LENEP: variants seen among roughly 807,000 people sequenced by gnomAD.
LENEP encodes lens epithelial protein, also known as lens epithelial cell protein LEP503.
Under a neutral mutation model 4.1 loss-of-function variants are expected in LENEP, and 2 were observed. The ratio of observed to expected loss-of-function variants is 0.49; its 90% CI spans 0.20 to 1.53. The LOEUF (loss-of-function observed/expected upper bound fraction) is 1.53. Among genes scored for constraint, LENEP ranks in the 40% most tolerant of loss-of-function variants. LENEP has a pLI of 0.23. For missense variants in LENEP, 63 were observed against 77.0 expected (o/e 0.82, Z 0.68); for synonymous variants, 30 against 33.3 (o/e 0.90, Z 0.34).
At position 154,994,134 on chromosome 1, in the gene LENEP, G is replaced by C. The variant is rs755259990; in HGVS notation, c.*341G>C. 380 of 298,612 alleles carry C rather than the reference G, an allele frequency of 1.3e-3. 10 individuals are homozygous for C. Among genetic ancestry groups the C allele is most frequent in the Non-Finnish European group, 2.1e-4 (34 of 159,804 alleles). The allele number at this position is 298,612 out of a possible 1,614,324, so 18.5% of individuals were successfully genotyped here. ...GCAGGAGCTTGGACTGCTCTGGCTA[G>C]GACCCCAGTAAGATTGTGGCAAGAC... On this transcript the variant is annotated 3_prime_UTR_variant, in exon 1 of 1. Transcript: ENST00000392487.
chr1:154,994,005 A>G lies in LENEP; in HGVS notation c.*212A>G. ...AGGATGGGCCATAAACAATGAGTAA[A>G]CAGTAAAGTGTGGATCCTGCTTTGA... On this transcript the variant is annotated 3_prime_UTR_variant, in exon 1 of 1. Coordinates refer to ENST00000392487, the MANE Select transcript of LENEP (RefSeq NM_001394530.1). 2 of 556,594 alleles carry G rather than the reference A, an allele frequency of 3.6e-6. No individual in the cohort carries two copies. Among genetic ancestry groups the G allele is most frequent in the Non-Finnish European group, 6.3e-6 (2 of 318,084 alleles). The allele number at this position is 556,594 out of a possible 1,614,324, so 34.5% of individuals were successfully genotyped here.
At position 154,993,618 on chromosome 1, in the gene LENEP, G is replaced by A. The variant is rs199697277; in HGVS notation, c.11G>A (p.Arg4Gln). The A allele has an allele frequency of 3.2e-5, 51 of 1,611,030 alleles. No individual in the cohort carries two copies. Among genetic ancestry groups the A allele is most frequent in the African/African-American group, 1.1e-4 (8 of 74,722 alleles). The change falls in exon 1 of 1, where the codon CGG (arginine) becomes CAG (glutamine). Residue 4 changes from arginine to glutamine, a missense_variant. Transcript: ENST00000392487. MQP[R>Q]TQPLAQTLPF... ...GGAACTGTTGCCCACATGCAGCCCC[G>A]GACACAGCCCCTAGCCCAAACCCTA...
rs747260843 is a variant in LENEP, at chr1:154,993,771, G to A, written c.164G>A (p.Cys55Tyr). Residue 55 changes from cysteine to tyrosine, a missense_variant, in exon 1 of 1, where the codon TGT becomes TAT. Transcript: ENST00000392487. Reference sequence around the variant, plus strand: ...GCCTACATCCTCCTCTGCTGCTGGTGTATCAAGGAACTGCTGGATTAATGG... The same window carrying A: ...GCCTACATCCTCCTCTGCTGCTGGTATATCAAGGAACTGCTGGATTAATGG... The part of the protein sequence containing the change: ...EVAYILLCCW[C>Y]IKELLD 3 of 1,613,268 alleles carry A rather than the reference G, an allele frequency of 1.9e-6. No homozygotes were observed. The highest frequency in any genetic ancestry group is 2.2e-5 in the East Asian group (1 of 44,804).
chr1:154,993,678 G>A lies in LENEP; in HGVS notation c.71G>A (p.Gly24Glu). 3.1e-6 allele frequency: 5 copies of A among 1,613,414 alleles called. No homozygotes were observed. The highest frequency in any genetic ancestry group is 4.2e-6 in the Non-Finnish European group (5 of 1,179,702). Reference protein sequence around the residue: ...FFLGGAPRDTGLRVPVIKMGT... With the variant: ...FFLGGAPRDTELRVPVIKMGT... ...CTCGGAGGGGCCCCTCGAGACACTG[G>A]GCTGCGGGTGCCTGTCATTAAGATG... The change falls in exon 1 of 1, where the codon GGG becomes GAG. Residue 24 changes from glycine to glutamate, a missense_variant. Physicochemically the swap from Gly to Glu is moderately conservative, Grantham distance 98 (BLOSUM62 -2). Transcript: ENST00000392487.
rs1239755945 is a variant in LENEP at position 154,993,933 on chromosome 1, C to T, written c.*140C>T. Reference sequence around the variant, plus strand: ...AGCTTCTCATTCTCTTCTTTAGCCCCCAGCCCAATTGCCATCAAGACTCCT... The same window carrying T: ...AGCTTCTCATTCTCTTCTTTAGCCCTCAGCCCAATTGCCATCAAGACTCCT... On this transcript the variant is annotated 3_prime_UTR_variant, in exon 1 of 1. Coordinates refer to ENST00000392487, the MANE Select transcript of LENEP (RefSeq NM_001394530.1). 2 of 816,156 alleles carry T rather than the reference C, an allele frequency of 2.5e-6. No individual in the cohort carries two copies. The highest frequency in any genetic ancestry group is 3.5e-5 in the African/African-American group (2 of 56,372). The allele number at this position is 816,156 out of a possible 1,614,324, so 50.6% of individuals were successfully genotyped here. A position where few individuals can be genotyped will look rare whatever the true frequency, so the allele number is the denominator to read the frequency against.
Position 154,994,018 on chromosome 1 carries a change from G to A in LENEP, c.*225G>A, listed in dbSNP as rs1398901444. 1.5e-5 allele frequency: 8 copies of A among 532,430 alleles called. No individual in the cohort carries two copies. The South Asian group carries it at 1.6e-4, about 11-fold the overall frequency. 33.0% of individuals were successfully genotyped at this position (532,430 alleles called of 1,614,324 possible). ...AACAATGAGTAAACAGTAAAGTGTGGATCCTGCTTTGAGCTGTGTCATCTA... is the reference window on the plus strand; with the variant it reads ...AACAATGAGTAAACAGTAAAGTGTGAATCCTGCTTTGAGCTGTGTCATCTA... On this transcript the variant is annotated 3_prime_UTR_variant, in exon 1 of 1. Coordinates refer to ENST00000392487, the MANE Select transcript of LENEP (RefSeq NM_001394530.1).
Position 154,994,246 on chromosome 1 carries a change from C to A in LENEP, c.*453C>A. ...CCCTCATAGTACCAAGAATGGACTG[C>A]CCCCTAAGAAACCTGTTTGAGAATC... On this transcript the variant is annotated 3_prime_UTR_variant, in exon 1 of 1. Transcript: ENST00000392487. The A allele has an allele frequency of 5.7e-6, 1 of 175,178 alleles. No homozygotes were observed. The highest frequency in any genetic ancestry group is 1.2e-5 in the Non-Finnish European group (1 of 83,718). 10.9% of individuals were successfully genotyped at this position (175,178 alleles called of 1,614,324 possible).
In LENEP at chr1:154,993,642, TACCCTTCTTCCTCGGAG is replaced by T; in HGVS notation, c.36_52del (p.Pro13GlyfsTer13). On this transcript the variant is annotated frameshift_variant, in exon 1 of 1. Transcript: ENST00000392487. LOFTEE classifies it high-confidence loss of function. Reference sequence around the variant, plus strand: ...CGGACACAGCCCCTAGCCCAAACCCTACCCTTCTTCCTCGGAGGGGCCCCTCGAGACACTGGGCTGCG... The same window carrying T: ...CGGACACAGCCCCTAGCCCAAACCCTGGGCCCCTCGAGACACTGGGCTGCG... 2 of 1,613,362 alleles carry T rather than the reference TACCCTTCTTCCTCGGAG, an allele frequency of 1.2e-6. No individual in the cohort carries two copies. Among genetic ancestry groups the T allele is most frequent in the Admixed American group, 3.3e-5 (2 of 59,918 alleles).
At position 154,993,697 on chromosome 1, in the gene LENEP, T is replaced by G. The variant is rs2102255093; in HGVS notation, c.90T>G (p.Ile30Met). 2 of 1,612,886 alleles carry G rather than the reference T, an allele frequency of 1.2e-6. No individual in the cohort carries two copies. The highest frequency in any genetic ancestry group is 4.5e-5 in the East Asian group (2 of 44,804). The change falls in exon 1 of 1, where the codon ATT (isoleucine) becomes ATG (methionine). Residue 30 changes from isoleucine to methionine, a missense_variant. By Grantham distance (10) the Ile-to-Met change is conservative. Transcript: ENST00000392487. Reference sequence around the variant, plus strand: ...ACACTGGGCTGCGGGTGCCTGTCATTAAGATGGGCACAGGGTGGGAGGGCT... The same window carrying G: ...ACACTGGGCTGCGGGTGCCTGTCATGAAGATGGGCACAGGGTGGGAGGGCT... The part of the protein sequence containing the change: ...PRDTGLRVPV[I>M]KMGTGWEGFQ...
Position 154,994,160 on chromosome 1 carries a change from C to T in LENEP, c.*367C>T. 7.6e-6 allele frequency: 2 copies of T among 263,838 alleles called. No individual in the cohort carries two copies. The highest frequency in any genetic ancestry group is 4.0e-5 in the South Asian group (1 of 24,858). The allele number at this position is 263,838 out of a possible 1,614,324, so 16.3% of individuals were successfully genotyped here. On this transcript the variant is annotated 3_prime_UTR_variant, in exon 1 of 1. Transcript: ENST00000392487. ...GACCCCAGTAAGATTGTGGCAAGAC[C>T]TGGCACTCCTCCAAGCTTGGCACAG...
rs754698615 is a variant in LENEP, at chr1:154,993,626, C to A, written c.19C>A (p.Pro7Thr). Residue 7 changes from proline (P) to threonine (T), a missense_variant, in exon 1 of 1, where the codon CCC (proline) becomes ACC (threonine). Transcript: ENST00000392487. MQPRTQ[P>T]LAQTLPFFLG... ...TGCCCACATGCAGCCCCGGACACAG[C>A]CCCTAGCCCAAACCCTACCCTTCTT... is the stretch of plus-strand genomic sequence containing the variant. 6.2e-7 allele frequency: 1 copy of A among 1,612,186 alleles called. No individual in the cohort carries two copies. Among genetic ancestry groups the A allele is most frequent in the Admixed American group, 1.7e-5 (1 of 59,582 alleles).
At position 154,994,059 on chromosome 1, in the gene LENEP, C is replaced by A. The variant is rs981387700; in HGVS notation, c.*266C>A. On this transcript the variant is annotated 3_prime_UTR_variant, in exon 1 of 1. Coordinates refer to ENST00000392487, the MANE Select transcript of LENEP (RefSeq NM_001394530.1). ...GTGTCATCTAGCAGACCTGCCTCATCTCTGAGCCTCCTTCATTCCCAACCC... is the reference window on the plus strand; with the variant it reads ...GTGTCATCTAGCAGACCTGCCTCATATCTGAGCCTCCTTCATTCCCAACCC... 1.3e-4 allele frequency: 54 copies of A among 427,070 alleles called. 1 individual carries two copies. Among genetic ancestry groups the A allele is most frequent in the Admixed American group, 2.8e-4 (6 of 21,676 alleles). 26.5% of individuals were successfully genotyped at this position (427,070 alleles called of 1,614,324 possible).
Position 154,993,664 on chromosome 1 carries a change from C to G in LENEP, c.57C>G (p.Ala19=), listed in dbSNP as rs772226234. 1 of 1,613,396 alleles carries G rather than the reference C, an allele frequency of 6.2e-7. No individual in the cohort carries two copies. The highest frequency in any genetic ancestry group is 1.3e-5 in the African/African-American group (1 of 74,858). The change falls in exon 1 of 1, where the codon GCC becomes GCG. Residue 19 remains alanine (A), a synonymous_variant. Coordinates refer to ENST00000392487, the MANE Select transcript of LENEP (RefSeq NM_001394530.1). The part of the protein sequence containing the change: ...AQTLPFFLGG[A]PRDTGLRVPV... ...CCCTACCCTTCTTCCTCGGAGGGGCCCCTCGAGACACTGGGCTGCGGGTGC... is the reference window on the plus strand; with the variant it reads ...CCCTACCCTTCTTCCTCGGAGGGGCGCCTCGAGACACTGGGCTGCGGGTGC...
chr1:154,994,113 G>A lies in LENEP; in HGVS notation c.*320G>A, dbSNP rs780633199. ...CCTCTGGTGGACCTCTGGTGGGCAG[G>A]AGCTTGGACTGCTCTGGCTAGGACC... On this transcript the variant is annotated 3_prime_UTR_variant, in exon 1 of 1. Transcript: ENST00000392487. The A allele has an allele frequency of 2.2e-4, 77 of 343,784 alleles. No individual in the cohort carries two copies. The highest frequency in any genetic ancestry group is 3.6e-4 in the Non-Finnish European group (68 of 187,218). The allele number at this position is 343,784 out of a possible 1,614,324, so 21.3% of individuals were successfully genotyped here.
rs770235226 is a variant in LENEP, at chr1:154,993,593, G to A, written c.-15G>A. The A allele has an allele frequency of 2.2e-5, 35 of 1,599,262 alleles. No homozygotes were observed. Among genetic ancestry groups the A allele is most frequent in the Middle Eastern group, 1.7e-4 (1 of 5,716 alleles). On this transcript the variant is annotated 5_prime_UTR_variant, in exon 1 of 1. Coordinates refer to ENST00000392487, the MANE Select transcript of LENEP (RefSeq NM_001394530.1). The stretch of plus-strand genomic sequence containing the variant: ...AGAGGCAGCTCCCACACCCTTCCTC[G>A]GAACTGTTGCCCACATGCAGCCCCG...
chr1:154,994,205 G>A lies in LENEP; in HGVS notation c.*412G>A. On this transcript the variant is annotated 3_prime_UTR_variant, in exon 1 of 1. Coordinates refer to ENST00000392487, the MANE Select transcript of LENEP (RefSeq NM_001394530.1). The stretch of plus-strand genomic sequence containing the variant: ...GCACAGTGAGCCCACCAGCTCAGAT[G>A]GTTGATCTTACCATACCCTCATAGT... 1 of 223,834 alleles carries A rather than the reference G, an allele frequency of 4.5e-6. No individual in the cohort carries two copies. The highest frequency in any genetic ancestry group is 5.7e-5 in the South Asian group (1 of 17,582). The allele number at this position is 223,834 out of a possible 1,614,324, so 13.9% of individuals were successfully genotyped here.
rs573141037 is a variant in LENEP, at chr1:154,994,223, C to T, written c.*430C>T. 5.0e-6 allele frequency: 1 copy of T among 198,212 alleles called. No homozygotes were observed. Among genetic ancestry groups the T allele is most frequent in the Non-Finnish European group, 1.0e-5 (1 of 98,142 alleles). The allele number at this position is 198,212 out of a possible 1,614,324, so 12.3% of individuals were successfully genotyped here. On this transcript the variant is annotated 3_prime_UTR_variant, in exon 1 of 1. Coordinates refer to ENST00000392487, the MANE Select transcript of LENEP (RefSeq NM_001394530.1). ...CTCAGATGGTTGATCTTACCATACC[C>T]TCATAGTACCAAGAATGGACTGCCC...
rs148493999 is a variant in LENEP, at chr1:154,993,779, G to A, written c.172G>A (p.Glu58Lys). 280 of 1,612,134 alleles carry A rather than the reference G, an allele frequency of 1.7e-4. No homozygotes were observed. The highest frequency in any genetic ancestry group is 2.3e-4 in the Non-Finnish European group (273 of 1,179,104). The change falls in exon 1 of 1, where the codon GAA becomes AAA. Residue 58 changes from glutamate (E) to lysine (K), a missense_variant. Transcript: ENST00000392487. The part of the protein sequence containing the change: ...YILLCCWCIK[E>K]LLD ...CCTCCTCTGCTGCTGGTGTATCAAG[G>A]AACTGCTGGATTAATGGTAGCAGGG...
rs567230721 is a variant in LENEP at position 154,993,870 on chromosome 1, G to A, written c.*77G>A. 7.2e-7 allele frequency: 1 copy of A among 1,398,578 alleles called. No individual in the cohort carries two copies. The highest frequency in any genetic ancestry group is 2.1e-5 in the Admixed American group (1 of 46,884). The allele number at this position is 1,398,578 out of a possible 1,614,324, so 86.6% of individuals were successfully genotyped here. A position where few individuals can be genotyped will look rare whatever the true frequency, so the allele number is the denominator to read the frequency against. On this transcript the variant is annotated 3_prime_UTR_variant, in exon 1 of 1. Coordinates refer to ENST00000392487, the MANE Select transcript of LENEP (RefSeq NM_001394530.1). ...TCAGGTGGGCAGGGTAGAGTAAACA[G>A]GAGGCATAGCTGCAGCTTCTGTGGC...
Sources: allele counts gnomAD v4.1 joint callset, GRCh38; gene constraint gnomAD v4.1.1; transcripts MANE v1.5; gene names NCBI Gene and HGNC (gene_info 2026-07-23, HGNC 2026-07-21).